EML6: variants seen among roughly 807,000 people sequenced by gnomAD.
The protein encoded by EML6 is echinoderm microtubule-associated protein-like 6.
EML6 carries 154 observed loss-of-function variants against 240.1 expected under a neutral mutation model. The observed-to-expected ratio is 0.64, with a 90% CI of 0.56 to 0.73. The LOEUF (loss-of-function observed/expected upper bound fraction) is 0.73. Ranked by LOEUF, EML6 falls within the 30% of genes least tolerant of loss-of-function variation. The pLI, the probability that EML6 is intolerant of heterozygous loss-of-function variation, is 0.00. For missense variants in EML6, 2,964 were observed against 2,474.6 expected, an observed-to-expected ratio of 1.20 and a Z score of -4.20; for synonymous variants, 1,148 against 899.0, an observed-to-expected ratio of 1.28 and a Z score of -4.95.
At chr2:54,861,855 A>C (rs1376994755) in intron 12 of EML6, among the ~76,000 whole-genome samples, 1 of 151,958 alleles carries the variant, frequency 6.6e-6, no homozygotes, top group African/African-American at 2.4e-5. Flanking sequence ...ATAAACGAGC[A>C]AGACATCTCC....
In EML6 at chr2:54,863,893, G is replaced by A. The variant is rs921434147; in HGVS notation, c.1932+4G>A. 5 of 1,494,120 alleles carry A rather than the reference G, an allele frequency of 3.3e-6. No individual in the cohort carries two copies. Among genetic ancestry groups the A allele is most frequent in the African/African-American group, 2.8e-5 (2 of 71,696 alleles). The allele number at this position is 1,494,120 out of a possible 1,614,324, so 92.6% of individuals were successfully genotyped here. On this transcript the variant is annotated splice_donor_region_variant and intron_variant, in intron 13 of 41. Coordinates refer to ENST00000356458, the MANE Select transcript of EML6 (RefSeq NM_001039753.4). ...TCAAATCAATTATGATCGCCAGGTC[G>A]GTAAGCAGGGAGCAATGAAAATTTG...
rs1304417012 is a variant in EML6 at position 54,724,997 on chromosome 2, C to G, written c.-65C>G. ...CTGAGCCCCTGCAGGTCCGCCGCAG[C>G]CCCAGCCTCGGCGAGGACGGCCCCG... is the stretch of plus-strand genomic sequence containing the variant. On this transcript the variant is annotated 5_prime_UTR_variant, in exon 2 of 42. Coordinates refer to ENST00000356458, the MANE Select transcript of EML6 (RefSeq NM_001039753.4). The surrounding 1 kb of genome is among the most constrained non-coding windows in gnomAD (Gnocchi z 5.2). 1 of 1,351,142 alleles carries G rather than the reference C, an allele frequency of 7.4e-7. No individual in the cohort carries two copies. The highest frequency in any genetic ancestry group is 3.9e-5 in the Admixed American group (1 of 25,542). 83.7% of individuals were successfully genotyped at this position (1,351,142 alleles called of 1,614,324 possible).
Position 54,957,919 on chromosome 2 carries a change from C to T in EML6, c.4616C>T (p.Ala1539Val). The change falls in exon 33 of 42, where the codon GCC (alanine) becomes GTC (valine). Residue 1539 changes from alanine to valine, a missense_variant. Coordinates refer to ENST00000356458, the MANE Select transcript of EML6 (RefSeq NM_001039753.4). ...HMKFWTLAGS[A>V]LLYKKGVIGS... ...AAGTTCTGGACCCTGGCAGGCAGCGCCTTGCTTTACAAGAAAGGGGTCATC... is the reference window on the plus strand; with the variant it reads ...AAGTTCTGGACCCTGGCAGGCAGCGTCTTGCTTTACAAGAAAGGGGTCATC... 1 of 1,551,682 alleles carries T rather than the reference C, an allele frequency of 6.4e-7. No individual in the cohort carries two copies. Among genetic ancestry groups the T allele is most frequent in the Non-Finnish European group, 8.7e-7 (1 of 1,147,004 alleles).
rs550583606 is a variant in EML6 at position 54,808,244 on chromosome 2, C to G, written c.198-4988C>G. On this transcript the variant is annotated intron_variant, in intron 2 of 41. Transcript: ENST00000356458. ...CTAAGCGCATCTCTTGGGACCAGGACTGGAACACAGCCATCCCCATCTGAG... is the reference window on the plus strand; with the variant it reads ...CTAAGCGCATCTCTTGGGACCAGGAGTGGAACACAGCCATCCCCATCTGAG... Among the ~76,000 whole-genome samples, 29 of 152,306 alleles carry G rather than the reference C, an allele frequency of 1.9e-4. 1 individual carries two copies. Among genetic ancestry groups the G allele is most frequent in the African/African-American group, 6.7e-4 (28 of 41,554 alleles).
intron 2 of EML6, among the ~76,000 whole-genome samples, chr2:54,756,637 A>AT (rs11396910): frequency 0.051 from 7,730 of 151,696 alleles, 616 homozygotes; most frequent in African/African-American, 0.17. Context: ...TCTCAGGAGC[A>AT]TTTTTTTCTA....
intron 2 of EML6, among the ~76,000 whole-genome samples, chr2:54,802,765 C>G (rs73935222): frequency 0.036 from 5,489 of 152,160 alleles, 347 homozygotes; most frequent in African/African-American, 0.13. Flanking sequence ...CCCACTGTGT[C>G]TCACACCCTG....
chr2:54,829,969 C>T (rs914647704), intron 7 of EML6, among the ~76,000 whole-genome samples: 9 of 152,140 alleles, frequency 5.9e-5, no homozygotes, highest in East Asian at 1.9e-4. Context: ...TCTCAAATTT[C>T]GGGGCATCTG....
At chr2:54,735,899 A>G (rs1683367555) in intron 2 of EML6, among the ~76,000 whole-genome samples, 1 of 152,228 alleles carries the variant, frequency 6.6e-6, no homozygotes, top group African/African-American at 2.4e-5. Context: ...TTACCCAAAC[A>G]TACAGAAGTA....
At chr2:54,812,346 A>G (rs1395735298) in intron 2 of EML6, among the ~76,000 whole-genome samples, 1 of 151,762 alleles carries the variant, frequency 6.6e-6, no homozygotes, top group East Asian at 1.9e-4. Context: ...GTCTACTTCC[A>G]TTTACTGTGT....
intron 35 of EML6, among the ~76,000 whole-genome samples, chr2:54,961,834 T>C (rs1233581027): frequency 6.6e-6 from 1 of 151,558 alleles, no homozygotes; most frequent in East Asian, 2.0e-4. Flanking sequence ...TAAAACCCCA[T>C]CTCTACTAAA....
chr2:54,816,173 T>A (rs1407496720), intron 3 of EML6, among the ~76,000 whole-genome samples: 2 of 152,224 alleles, frequency 1.3e-5, no homozygotes, highest in African/African-American at 4.8e-5. Context: ...TTTCACACTT[T>A]TGGTTTTGTA....
intron 25 of EML6, among the ~76,000 whole-genome samples, chr2:54,914,459 G>A (rs1673802774): frequency 6.6e-6 from 1 of 152,204 alleles, no homozygotes; most frequent in Non-Finnish European, 1.5e-5. Context: ...AGGAGGATGA[G>A]GCTGGCTTGG....
chr2:54,862,048 A>AG (rs1251908533), intron 12 of EML6, among the ~76,000 whole-genome samples: 1 of 152,088 alleles, frequency 6.6e-6, no homozygotes, highest in Admixed American at 6.6e-5. Flanking sequence ...ACTTTCTCTG[A>AG]GGATTGGCTG....
At chr2:54,907,799 AG>A (rs1673398477) in intron 24 of EML6, among the ~76,000 whole-genome samples, 1 of 152,210 alleles carries the variant, frequency 6.6e-6, no homozygotes, top group South Asian at 2.1e-4. Context: ...CTGTTATTCA[AG>A]AGCAATTATA....
intron 2 of EML6, among the ~76,000 whole-genome samples, chr2:54,765,901 A>ACT (rs1057319486): frequency 6.6e-6 from 1 of 152,208 alleles, no homozygotes; most frequent in African/African-American, 2.4e-5. Context: ...TAGACTTAGA[A>ACT]AAGTTCCAAG....
chr2:54,839,547 C>T (rs921934045), intron 7 of EML6, among the ~76,000 whole-genome samples: 1 of 152,266 alleles, frequency 6.6e-6, no homozygotes. Flanking sequence ...GAAAATGTAG[C>T]AACTCCTTCT....
At chr2:54,769,526 A>G (rs1245150004) in intron 2 of EML6, among the ~76,000 whole-genome samples, 2 of 151,892 alleles carry the variant, frequency 1.3e-5, no homozygotes, top group East Asian at 1.9e-4. Flanking sequence ...AGCCACCCCA[A>G]CTCTCACTCT....
intron 26 of EML6, among the ~76,000 whole-genome samples, chr2:54,917,276 C>T (rs1297975614): frequency 3.3e-5 from 5 of 151,994 alleles, no homozygotes; most frequent in Non-Finnish European, 5.9e-5. Context: ...ACACAGCACC[C>T]CAACTGATTT....
At chr2:54,871,989 C>T (rs1671282874) in intron 16 of EML6, among the ~76,000 whole-genome samples, 1 of 152,198 alleles carries the variant, frequency 6.6e-6, no homozygotes, top group Admixed American at 6.6e-5. Flanking sequence ...AATTTCATCT[C>T]TCCAAATAAG....
Sources: gnomAD v4.1 joint callset for allele counts (sites outside exome capture counted in the v4.1 genomes callset) on GRCh38, gnomAD v4.1.1 for gene constraint, Gnocchi (gnomAD v3.1) non-coding constraint, MANE v1.5 for transcripts, NCBI Gene and HGNC (gene_info 2026-07-23, HGNC 2026-07-21) for gene names.